The following LUZP2 variants were observed in gnomAD, a reference collection of about 807,000 sequenced individuals.
LUZP2 encodes leucine zipper protein 2.
A neutral mutation model predicts 51.6 loss-of-function variants in LUZP2; 52 were observed. The ratio of observed to expected loss-of-function variants is 1.01; its 90% confidence interval spans 0.81 to 1.27. The LOEUF is 1.27. Among genes scored for constraint, LUZP2 ranks in the 50% most tolerant of loss-of-function variants. The probability of loss-of-function intolerance (pLI) is 0.00; values close to 1 mark genes in which losing one functional copy is unlikely to be tolerated. For synonymous variants in LUZP2, 154 were observed against 137.3 expected (o/e 1.12, Z -0.85); for missense variants, 436 against 395.4 (o/e 1.10, Z -0.87).
intron 9 of LUZP2, among the ~76,000 whole-genome samples, chr11:25,038,980 T>C (rs1043464817): frequency 1.3e-5 from 2 of 152,270 alleles, no homozygotes; most frequent in South Asian, 2.1e-4. Flanking sequence ...GGGTGGTTGA[T>C]AAGCTCTTAG....
chr11:24,966,883 G>T (rs1049311357), intron 7 of LUZP2, among the ~76,000 whole-genome samples: 50 of 147,276 alleles, frequency 3.4e-4, no homozygotes, highest in Non-Finnish European at 9.0e-5. Context: ...CATGTGTAAA[G>T]TATGTCTAAT....
chr11:24,625,265 T>A (rs980336099), intron 1 of LUZP2, among the ~76,000 whole-genome samples: 2 of 151,756 alleles, frequency 1.3e-5, no homozygotes. Context: ...AGAGCTAATG[T>A]ACAGAATGAT....
In LUZP2 at chr11:24,790,914, G is replaced by A. The variant is rs558885274; in HGVS notation, c.396+27606G>A. 2.6e-5 allele frequency among the ~76,000 whole-genome samples: 4 copies of A among 152,268 alleles called. No homozygotes were observed. The East Asian group carries it at 7.7e-4, about 29-fold the overall frequency. ...TCTCACTTTTCCATTTATGCATACT[G>A]TAAAAGTGATCTTTTTTGTCTTAAG... On this transcript the variant is annotated intron_variant, in intron 5 of 11. Transcript: ENST00000336930.
At chr11:24,675,901 C>A (rs566064854) in intron 1 of LUZP2, among the ~76,000 whole-genome samples, 1 of 152,018 alleles carries the variant, frequency 6.6e-6, no homozygotes, top group Non-Finnish European at 1.5e-5. Flanking sequence ...TCACTGCAAC[C>A]TCCCCCTCCC....
intron 1 of LUZP2, among the ~76,000 whole-genome samples, chr11:24,553,593 A>G (rs1035821069): frequency 1.3e-5 from 2 of 152,122 alleles, no homozygotes; most frequent in African/African-American, 2.4e-5. Context: ...AAGAATCCAT[A>G]TAAAGCCACT....
intron 5 of LUZP2, among the ~76,000 whole-genome samples, chr11:24,833,688 C>A (rs895661638): frequency 7.9e-6 from 1 of 127,090 alleles, no homozygotes; most frequent in Non-Finnish European, 1.7e-5. Context: ...ACGTCACGTC[C>A]CCCACGCCTG....
At chr11:24,522,349 TTTTTGCTTTTTTG>T (rs1721137401) in intron 1 of LUZP2, among the ~76,000 whole-genome samples, 1 of 152,138 alleles carries the variant, frequency 6.6e-6, no homozygotes. Context: ...TCTTTTTGTT[TTTTTGCTTTTTTG>T]GGCATATTTT....
chr11:24,951,738 T>G (rs1179134018), intron 7 of LUZP2, among the ~76,000 whole-genome samples: 1 of 151,606 alleles, frequency 6.6e-6, no homozygotes, highest in African/African-American at 2.4e-5. Flanking sequence ...AGTTTTTTGT[T>G]GCAGAGGAAG....
At chr11:24,569,687 A>G (rs962430844) in intron 1 of LUZP2, among the ~76,000 whole-genome samples, 4 of 13,088 alleles carry the variant, frequency 3.1e-4, no homozygotes, top group African/African-American at 9.9e-4. Context: ...CTAATTTCAC[A>G]TTCTATATCC....
chr11:24,669,522 G>T (rs1399254788), intron 1 of LUZP2, among the ~76,000 whole-genome samples: 1 of 151,992 alleles, frequency 6.6e-6, no homozygotes, highest in Non-Finnish European at 1.5e-5. Flanking sequence ...AGAGGAAACT[G>T]CCAATGAATC....
At chr11:24,755,870 A>G (rs1859754931) in intron 4 of LUZP2, among the ~76,000 whole-genome samples, 1 of 152,294 alleles carries the variant, frequency 6.6e-6, no homozygotes, top group Non-Finnish European at 1.5e-5. Context: ...ATATTTTGAA[A>G]TGGCTCTTTT....
At position 24,664,749 on chromosome 11, in the gene LUZP2, G is replaced by C. The variant is rs767238233; in HGVS notation, c.63-64420G>C. 6.6e-5 allele frequency among the ~76,000 whole-genome samples: 10 copies of C among 152,188 alleles called. 1 individual carries two copies. Among genetic ancestry groups the C allele is most frequent in the Admixed American group, 5.2e-4 (8 of 15,280 alleles). ...CCTTGGCACTTATATGTGGTGTTGGGCCTGTGGGTGCACAGAAGTACAAAA... is the reference window on the plus strand; with the variant it reads ...CCTTGGCACTTATATGTGGTGTTGGCCCTGTGGGTGCACAGAAGTACAAAA... On this transcript the variant is annotated intron_variant, in intron 1 of 11. Transcript: ENST00000336930.
At chr11:24,902,073 G>C (rs763640412) in intron 5 of LUZP2, among the ~76,000 whole-genome samples, 3 of 151,986 alleles carry the variant, frequency 2.0e-5, no homozygotes, top group Non-Finnish European at 4.4e-5. Flanking sequence ...TTAGTCCAAA[G>C]GGTTTTATTG....
intron 1 of LUZP2, among the ~76,000 whole-genome samples, chr11:24,696,021 C>G (rs1343440104): frequency 6.6e-6 from 1 of 151,986 alleles, no homozygotes; most frequent in South Asian, 2.1e-4. Context: ...TCAACAGAAA[C>G]AGAAACTTCT....
Position 25,078,779 on chromosome 11 carries a change from T to C in LUZP2, c.*121T>C, listed in dbSNP as rs1225323688. ...AACTTTTTCACAATTTTATGTAACT[T>C]TATAAAGTAGCCTACACATTTTCAA... On this transcript the variant is annotated 3_prime_UTR_variant, in exon 12 of 12. Transcript: ENST00000336930. 2 of 748,040 alleles carry C rather than the reference T, an allele frequency of 2.7e-6. No homozygotes were observed. Among genetic ancestry groups the C allele is most frequent in the Non-Finnish European group, 4.3e-6 (2 of 460,714 alleles). 46.3% of individuals were successfully genotyped at this position (748,040 alleles called of 1,614,324 possible). A position where few individuals can be genotyped will look rare whatever the true frequency, so the allele number is the denominator to read the frequency against.
intron 1 of LUZP2, among the ~76,000 whole-genome samples, chr11:24,678,804 T>A (rs1218421846): frequency 6.6e-6 from 1 of 152,206 alleles, no homozygotes. Flanking sequence ...TAATTTAAGC[T>A]TGACAAATGA....
intron 9 of LUZP2, among the ~76,000 whole-genome samples, chr11:25,024,371 A>G (rs1353224977): frequency 1.3e-5 from 2 of 152,164 alleles, no homozygotes; most frequent in Non-Finnish European, 2.9e-5. Flanking sequence ...CTGTTTGCAG[A>G]TGACATGATT....
chr11:24,731,067 A>G (rs907573992), intron 2 of LUZP2, among the ~76,000 whole-genome samples: 2 of 151,580 alleles, frequency 1.3e-5, no homozygotes, highest in African/African-American at 4.8e-5. Context: ...TTGTTTATTG[A>G]TTGCTTCCCA....
chr11:24,629,580 TTATC>T (rs1854807120), intron 1 of LUZP2, among the ~76,000 whole-genome samples: 4 of 148,126 alleles, frequency 2.7e-5, no homozygotes, highest in Admixed American at 6.8e-5. Flanking sequence ...CATATTTTCT[TTATC>T]TAACCATCCG....
Sources: allele counts gnomAD v4.1 joint callset (sites outside exome capture counted in the v4.1 genomes callset), GRCh38; gene constraint gnomAD v4.1.1; transcripts MANE v1.5; gene names NCBI Gene and HGNC (gene_info 2026-07-23, HGNC 2026-07-21).